Variants in KIRREL1 observed in about 807,000 individuals in gnomAD.
The protein encoded by KIRREL1 is kin of IRRE-like protein 1.
KIRREL1 carries 25 observed loss-of-function variants against 83.3 expected under a neutral mutation model. The ratio of observed to expected loss-of-function variants is 0.30; its 90% CI spans 0.22 to 0.42. The LOEUF (loss-of-function observed/expected upper bound fraction) is 0.42, where lower values mean the gene tolerates loss of function less well. KIRREL1 is among the 10% of genes least tolerant of loss of function. KIRREL1 has a pLI of 1.00. For synonymous variants in KIRREL1, 388 were observed against 410.4 expected (o/e 0.95, Z 0.66); for missense variants, 812 against 1,032.3 (o/e 0.79, Z 2.92).
intron 1 of KIRREL1, among the ~76,000 whole-genome samples, chr1:158,059,664 C>T (rs1228122263): frequency 6.6e-6 from 1 of 152,056 alleles, no homozygotes; most frequent in Non-Finnish European, 1.5e-5. Context: ...GTGGGATTTA[C>T]TAGTGCTCAG....
At position 158,089,605 on chromosome 1, in the gene KIRREL1, G is replaced by A. The variant is rs1031178522; in HGVS notation, c.1148G>A (p.Arg383Gln). The change falls in exon 9 of 15, where the codon CGG becomes CAG. Residue 383 changes from arginine to glutamine, a missense_variant. By Grantham distance (43) the Arg-to-Gln change is conservative (BLOSUM62 1). Coordinates refer to ENST00000359209, the MANE Select transcript of KIRREL1 (RefSeq NM_018240.7). Reference sequence around the variant, plus strand: ...GTGCCTCGAATCGGAGTGGCTGAGCGGGAGGTGCCGCTCTATGTGAACGGT... The same window carrying A: ...GTGCCTCGAATCGGAGTGGCTGAGCAGGAGGTGCCGCTCTATGTGAACGGT... Reference protein sequence around the residue: ...AIVPRIGVAEREVPLYVNGPP... With the variant: ...AIVPRIGVAEQEVPLYVNGPP... The A allele has an allele frequency of 1.7e-5, 28 of 1,613,716 alleles. No homozygotes were observed. The highest frequency in any genetic ancestry group is 2.4e-5 in the Non-Finnish European group (28 of 1,179,822).
intron 1 of KIRREL1, among the ~76,000 whole-genome samples, chr1:158,056,141 T>C (rs1480510652): frequency 1.3e-5 from 2 of 152,194 alleles, no homozygotes; most frequent in East Asian, 1.9e-4. Context: ...GCCCTCTCCT[T>C]TCCTTTCAGC....
At chr1:158,038,937 T>A (rs138689938) in intron 1 of KIRREL1, among the ~76,000 whole-genome samples, 12 of 152,308 alleles carry the variant, frequency 7.9e-5, no homozygotes, top group Non-Finnish European at 1.8e-4. Flanking sequence ...TTCCACAGAC[T>A]ATAAAGAACA....
At chr1:158,083,012 C>G (rs1661908084) in intron 3 of KIRREL1, among the ~76,000 whole-genome samples, 1 of 152,164 alleles carries the variant, frequency 6.6e-6, no homozygotes, top group African/African-American at 2.4e-5. Flanking sequence ...TCCCTGAGCA[C>G]CTGTGATCAC....
At chr1:158,002,071 C>G (rs1277157599) in intron 1 of KIRREL1, among the ~76,000 whole-genome samples, 1 of 152,178 alleles carries the variant, frequency 6.6e-6, no homozygotes, top group Non-Finnish European at 1.5e-5. Flanking sequence ...CAGAAGTGAG[C>G]AGAAAACCTT....
At chr1:157,995,326 G>A (rs1365271471) in intron 1 of KIRREL1, among the ~76,000 whole-genome samples, 2 of 152,232 alleles carry the variant, frequency 1.3e-5, no homozygotes, top group African/African-American at 4.8e-5. Flanking sequence ...TCTGTGGTGT[G>A]AGCCAGGAGT....
chr1:158,004,713 G>A (rs1335537037), intron 1 of KIRREL1, among the ~76,000 whole-genome samples: 1 of 152,292 alleles, frequency 6.6e-6, no homozygotes, highest in East Asian at 1.9e-4. Flanking sequence ...GGAGGTCCAG[G>A]TGGGCGCATC....
chr1:158,051,513 G>T (rs549444177), intron 1 of KIRREL1, among the ~76,000 whole-genome samples: 34 of 152,274 alleles, frequency 2.2e-4, no homozygotes, highest in African/African-American at 7.2e-4. Flanking sequence ...CCAGCATGTA[G>T]CCGCATCAAC....
At chr1:157,999,797 C>T (rs1009861210) in intron 1 of KIRREL1, among the ~76,000 whole-genome samples, 9 of 151,846 alleles carry the variant, frequency 5.9e-5, no homozygotes, top group African/African-American at 2.2e-4. Flanking sequence ...AAATGTGAAA[C>T]CAGGGAGGAG....
At chr1:158,028,155 C>T (rs1438945733) in intron 1 of KIRREL1, among the ~76,000 whole-genome samples, 1 of 152,178 alleles carries the variant, frequency 6.6e-6, no homozygotes, top group African/African-American at 2.4e-5. Flanking sequence ...AATGCCGTCT[C>T]TCTCCACAAC....
Position 158,046,763 on chromosome 1 carries a change from G to A in KIRREL1, c.53-29350G>A, listed in dbSNP as rs114626782. 6.0e-3 allele frequency among the ~76,000 whole-genome samples: 917 copies of A among 152,300 alleles called. 9 individuals are homozygous for A. The highest frequency in any genetic ancestry group is 0.021 in the African/African-American group (868 of 41,560). ...AAGATGAGGACGAAGATGAGGGCCA[G>A]TGTTGGATTTAGCAACTTGTAGGTC... On this transcript the variant is annotated intron_variant, in intron 1 of 14. Coordinates refer to ENST00000359209, the MANE Select transcript of KIRREL1 (RefSeq NM_018240.7).
At chr1:158,038,202 T>C (rs1419666893) in intron 1 of KIRREL1, among the ~76,000 whole-genome samples, 2 of 152,240 alleles carry the variant, frequency 1.3e-5, no homozygotes, top group African/African-American at 4.8e-5. Flanking sequence ...AGCTGAGTCC[T>C]GTGCATTCAT....
intron 1 of KIRREL1, among the ~76,000 whole-genome samples, chr1:158,035,281 G>A (rs1005161074): frequency 6.6e-6 from 1 of 152,236 alleles, no homozygotes; most frequent in Non-Finnish European, 1.5e-5. Context: ...GGCAGCGAGT[G>A]TAGTAGAGAA....
At chr1:158,013,981 T>A (rs773908502) in intron 1 of KIRREL1, among the ~76,000 whole-genome samples, 1 of 152,134 alleles carries the variant, frequency 6.6e-6, no homozygotes, top group Non-Finnish European at 1.5e-5. Flanking sequence ...TTTTTCAACC[T>A]CTGCCCCCAT....
chr1:158,010,328 C>CACACAA (rs1659637591), intron 1 of KIRREL1, among the ~76,000 whole-genome samples: 1 of 33,568 alleles, frequency 3.0e-5, no homozygotes, highest in African/African-American at 6.6e-5. Flanking sequence ...CCACCATAAA[C>CACACAA]ACACACACAC....
At position 158,089,742 on chromosome 1, in the gene KIRREL1, C is replaced by T; in HGVS notation, c.1196C>T (p.Ala399Val). 1.2e-6 allele frequency: 2 copies of T among 1,614,166 alleles called. No homozygotes were observed. The highest frequency in any genetic ancestry group is 1.7e-6 in the Non-Finnish European group (2 of 1,180,028). ...GGGCCCCCCATCATCTCCAGTGAGGCAGTGCAGTATGCTGTGAGGGGTGAC... is the reference window on the plus strand; with the variant it reads ...GGGCCCCCCATCATCTCCAGTGAGGTAGTGCAGTATGCTGTGAGGGGTGAC... ...VNGPPIISSE[A>V]VQYAVRGDGG... The change falls in exon 10 of 15, where the codon GCA becomes GTA. Residue 399 changes from alanine (A) to valine (V), a missense_variant. This residue lies in a region of KIRREL1 where 472 missense variants were observed against 626.8 expected (regional missense o/e 0.75). Coordinates refer to ENST00000359209, the MANE Select transcript of KIRREL1 (RefSeq NM_018240.7).
At chr1:158,028,908 C>T (rs16839630) in intron 1 of KIRREL1, among the ~76,000 whole-genome samples, 8,808 of 152,238 alleles carry the variant, frequency 0.058, 316 homozygotes, top group South Asian at 0.2. Context: ...CACTGCACAA[C>T]ACTGTCTGGT....
intron 3 of KIRREL1, among the ~76,000 whole-genome samples, chr1:158,080,100 G>A (rs11264904): frequency 0.45 from 69,015 of 151,836 alleles, 16,263 homozygotes; most frequent in East Asian, 0.7. Context: ...CCCTCACTGA[G>A]GTGTGTCAGC....
In KIRREL1 at chr1:158,094,861, C is replaced by G; in HGVS notation, c.2015C>G (p.Ala672Gly). Residue 672 changes from alanine to glycine, a missense_variant, in exon 15 of 15, where the codon GCC (alanine) becomes GGC (glycine). Transcript: ENST00000359209. This position sits in a 1 kb window ranked among gnomAD's most constrained non-coding sequence, Gnocchi z 4.6. ...GAGCCCACACCCCCTGGCCCTGCTG[C>G]CCCAGCTGGCACTGACACAACCAGC... is the stretch of plus-strand genomic sequence containing the variant. ...GPEPTPPGPA[A>G]PAGTDTTSQL... 6.2e-7 allele frequency: 1 copy of G among 1,613,942 alleles called. No homozygotes were observed.
Sources: allele counts gnomAD v4.1 joint callset (sites outside exome capture counted in the v4.1 genomes callset), GRCh38; gene constraint gnomAD v4.1.1; regional missense constraint gnomAD v4.1.1; non-coding constraint Gnocchi (gnomAD v3.1); transcripts MANE v1.5; gene names NCBI Gene and HGNC (gene_info 2026-07-23, HGNC 2026-07-21).